The following ADAMTSL1 variants were observed in gnomAD, a reference collection of about 807,000 sequenced individuals.
ADAMTSL1 encodes ADAMTS-like protein 1.
ADAMTSL1 carries 126 observed loss-of-function variants against 201.8 expected under a neutral mutation model. That is an observed-to-expected ratio of 0.62 (90% confidence interval 0.54 to 0.72). The LOEUF (loss-of-function observed/expected upper bound fraction) is 0.72, where lower values mean the gene tolerates loss of function less well. ADAMTSL1 is among the 30% of genes least tolerant of loss of function. The pLI is 0.00. For synonymous variants in ADAMTSL1, 1,121 were observed against 903.4 expected (o/e 1.24, Z -4.32); for missense variants, 2,679 against 2,277.8 (o/e 1.18, Z -3.59).
At chr9:17,973,539 C>T (rs1316255918) in intron 1 of ADAMTSL1, among the ~76,000 whole-genome samples, 1 of 100,622 alleles carries the variant, frequency 9.9e-6, no homozygotes, top group Admixed American at 1.2e-4. Flanking sequence ...TGTTTTGGTA[C>T]CAGTACCATG....
At chr9:18,410,911 G>A (rs1400380635) in intron 2 of ADAMTSL1, among the ~76,000 whole-genome samples, 1 of 146,574 alleles carries the variant, frequency 6.8e-6, no homozygotes, top group Non-Finnish European at 1.5e-5. Flanking sequence ...GTGCAATCTT[G>A]TCTTACTGCA....
intron 2 of ADAMTSL1, among the ~76,000 whole-genome samples, chr9:18,172,483 G>C (rs966045630): frequency 2.0e-5 from 3 of 152,102 alleles, no homozygotes; most frequent in African/African-American, 7.2e-5. Context: ...AACGAAGGCA[G>C]TTGTCAGTGA....
At chr9:18,360,477 T>C (rs1384443626) in intron 2 of ADAMTSL1, 1 of 152,140 alleles carries the variant, frequency 6.6e-6, no homozygotes, top group East Asian at 1.9e-4. Context: ...CATAAAATGG[T>C]ATTAACATTG....
At chr9:18,275,838 T>C (rs1234076204) in intron 2 of ADAMTSL1, among the ~76,000 whole-genome samples, 1 of 152,124 alleles carries the variant, frequency 6.6e-6, no homozygotes, top group Non-Finnish European at 1.5e-5. Flanking sequence ...TGCAGGTCTT[T>C]ATGTAGGCGT....
chr9:18,594,523 T>C (rs965434286), intron 4 of ADAMTSL1, among the ~76,000 whole-genome samples: 2 of 152,222 alleles, frequency 1.3e-5, no homozygotes, highest in African/African-American at 4.8e-5. Flanking sequence ...CATTCTTTCT[T>C]TTCTGACTGT....
At chr9:18,730,048 T>G (rs1283626864) in intron 15 of ADAMTSL1, among the ~76,000 whole-genome samples, 3 of 152,140 alleles carry the variant, frequency 2.0e-5, no homozygotes, top group African/African-American at 4.8e-5. Flanking sequence ...TTTTCTAAGT[T>G]TTTTGCTTTC....
chr9:18,083,705 G>T (rs554556121), intron 1 of ADAMTSL1, among the ~76,000 whole-genome samples: 51 of 152,284 alleles, frequency 3.3e-4, no homozygotes, highest in South Asian at 4.1e-4. Flanking sequence ...GCTATTCAGA[G>T]TTATGTGGAC....
intron 4 of ADAMTSL1, among the ~76,000 whole-genome samples, chr9:18,595,992 A>T (rs1392141912): frequency 1.3e-5 from 2 of 152,208 alleles, no homozygotes; most frequent in Non-Finnish European, 2.9e-5. Context: ...TACTGTGGAT[A>T]GGTGCAGAAT....
chr9:18,443,324 T>C (rs1820068622), intron 2 of ADAMTSL1, among the ~76,000 whole-genome samples: 1 of 152,230 alleles, frequency 6.6e-6, no homozygotes, highest in Admixed American at 6.5e-5. Flanking sequence ...TGACAACCTT[T>C]TATGATCTAG....
chr9:18,319,184 G>A (rs977341836), intron 2 of ADAMTSL1, among the ~76,000 whole-genome samples: 1 of 152,226 alleles, frequency 6.6e-6, no homozygotes, highest in East Asian at 1.9e-4. Flanking sequence ...CTGGGCAATA[G>A]AGTGAGACCC....
At chr9:17,961,136 A>G (rs926636445) in intron 1 of ADAMTSL1, among the ~76,000 whole-genome samples, 6 of 152,186 alleles carry the variant, frequency 3.9e-5, no homozygotes, top group Non-Finnish European at 7.3e-5. Context: ...GGTTCTAGGT[A>G]TATACTTGGG....
intron 1 of ADAMTSL1, among the ~76,000 whole-genome samples, chr9:18,063,649 G>A (rs1822559795): frequency 6.6e-6 from 1 of 152,158 alleles, no homozygotes; most frequent in Non-Finnish European, 1.5e-5. Flanking sequence ...ACCCAGGATG[G>A]GACAGTGATG....
At chr9:18,563,203 A>G (rs1821648802) in intron 3 of ADAMTSL1, among the ~76,000 whole-genome samples, 1 of 152,084 alleles carries the variant, frequency 6.6e-6, no homozygotes, top group Non-Finnish European at 1.5e-5. Flanking sequence ...TGTTGTGGAC[A>G]TCCTTTTTGT....
Position 18,051,718 on chromosome 9 carries a change from G to A in ADAMTSL1, c.88-112144G>A, listed in dbSNP as rs145462880. 2.8e-4 allele frequency among the ~76,000 whole-genome samples: 42 copies of A among 152,248 alleles called. No individual in the cohort carries two copies. In the East Asian group the frequency reaches 6.2e-3, roughly 22 times the overall value. On this transcript the variant is annotated intron_variant, in intron 1 of 29. Transcript: ENST00000680146. ...GATAAGAAGAAGCTCCTGTTATGAA[G>A]CTTTTGTAAAGAAGAGTGACTTTGT...
rs967950586 is a variant in ADAMTSL1, at chr9:18,608,662, T to C, written c.475-13581T>C. ...CTAGAGTTAGAAAGAGTAGCCAAAT[T>C]GCTACCTCCAGCTACTTCCAACTCA... is the stretch of plus-strand genomic sequence containing the variant. On this transcript the variant is annotated intron_variant, in intron 4 of 28. Transcript: ENST00000380548. Among the ~76,000 whole-genome samples the C allele has an allele frequency of 3.3e-5, 5 of 152,230 alleles. No individual in the cohort carries two copies. The East Asian group carries it at 9.7e-4, about 29-fold the overall frequency.
In ADAMTSL1 at chr9:18,675,887, C is replaced by T. The variant is rs778558159; in HGVS notation, c.1116C>T (p.Asp372=). The change falls in exon 10 of 29, where the codon GAC becomes GAT. Residue 372 remains aspartate (D), a synonymous_variant. Coordinates refer to ENST00000380548, the MANE Select transcript of ADAMTSL1 (RefSeq NM_001040272.6). ...GATACAAGCAGATCATGCCTTATGA[C>T]CTCTACCATCCCCTTCCTCGGTACG... is the stretch of plus-strand genomic sequence containing the variant. ...SDGYKQIMPY[D]LYHPLPRWEA... 5 of 1,613,220 alleles carry T rather than the reference C, an allele frequency of 3.1e-6. No homozygotes were observed. The Admixed American group carries it at 8.3e-5, about 27-fold the overall frequency.
At chr9:18,439,055 A>C (rs1207853054) in intron 2 of ADAMTSL1, among the ~76,000 whole-genome samples, 1 of 151,660 alleles carries the variant, frequency 6.6e-6, no homozygotes, top group Non-Finnish European at 1.5e-5. Context: ...TTTCCTGCAA[A>C]ATTCCTTTGG....
At chr9:18,629,354 A>G (rs1587741626) in intron 5 of ADAMTSL1, among the ~76,000 whole-genome samples, 2 of 152,132 alleles carry the variant, frequency 1.3e-5, no homozygotes, top group Non-Finnish European at 2.9e-5. Context: ...TCAGTTTCTC[A>G]CCATTGAGTA....
At chr9:18,750,914 A>C (rs1317148283) in intron 15 of ADAMTSL1, among the ~76,000 whole-genome samples, 1 of 151,954 alleles carries the variant, frequency 6.6e-6, no homozygotes, top group Non-Finnish European at 1.5e-5. Context: ...TTTCCTTAAG[A>C]CTCTCTGGGT....
Sources: gnomAD v4.1 joint callset for allele counts (sites outside exome capture counted in the v4.1 genomes callset) on GRCh38, gnomAD v4.1.1 for gene constraint, MANE v1.5 for transcripts, NCBI Gene and HGNC (gene_info 2026-07-23, HGNC 2026-07-21) for gene names.